The following IGF2BP2 variants were observed in gnomAD, a reference collection of about 807,000 sequenced individuals.
The protein encoded by IGF2BP2 is insulin like growth factor 2 mRNA binding protein 2, also known as insulin-like growth factor 2 mRNA-binding protein 2.
A neutral mutation model predicts 75.8 loss-of-function variants in IGF2BP2; 17 were observed. The observed-to-expected ratio is 0.22, with a 90% CI of 0.15 to 0.34. The LOEUF (loss-of-function observed/expected upper bound fraction) is 0.34. Among genes scored for constraint, IGF2BP2 ranks in the 10% least tolerant of loss-of-function variants. The pLI is 1.00. For missense variants in IGF2BP2, 516 were observed against 772.4 expected, an observed-to-expected ratio of 0.67 and a Z score of 3.93; for synonymous variants, 288 against 295.6, an observed-to-expected ratio of 0.97 and a Z score of 0.26.
intron 2 of IGF2BP2, among the ~76,000 whole-genome samples, chr3:185,810,779 A>C (rs1478158980): frequency 7.3e-6 from 1 of 136,388 alleles, no homozygotes; most frequent in African/African-American, 3.3e-5. Context: ...CTCAAAAAAA[A>C]AAACAACAAA....
chr3:185,762,077 A>T (rs1732442643), intron 2 of IGF2BP2, among the ~76,000 whole-genome samples: 1 of 152,082 alleles, frequency 6.6e-6, no homozygotes, highest in South Asian at 2.1e-4. Flanking sequence ...TGTGGGTGTT[A>T]GGTTTTAGCA....
chr3:185,794,993 G>GC (rs1737165030), intron 2 of IGF2BP2, among the ~76,000 whole-genome samples: 1 of 151,950 alleles, frequency 6.6e-6, no homozygotes, highest in Admixed American at 6.6e-5. Flanking sequence ...CACCTCCCGG[G>GC]TTCATGCCAT....
In IGF2BP2 at chr3:185,823,139, C is replaced by A; in HGVS notation, c.239+14G>T. On this transcript the variant is annotated intron_variant, in intron 2 of 15. Transcript: ENST00000382199. ...GGCCAATCGCAAAAAAAAAACTAAG[C>A]AAAGTATATTTACCTTAGCTTTTTA... 6.4e-7 allele frequency: 1 copy of A among 1,569,980 alleles called. No homozygotes were observed. Among genetic ancestry groups the A allele is most frequent in the Non-Finnish European group, 8.6e-7 (1 of 1,157,506 alleles).
At chr3:185,686,284 T>C (rs1721119974) in intron 7 of IGF2BP2, among the ~76,000 whole-genome samples, 1 of 151,736 alleles carries the variant, frequency 6.6e-6, no homozygotes, top group African/African-American at 2.4e-5. Context: ...TTCGGGAGGC[T>C]GAGGCAGGAG....
chr3:185,782,664 T>C (rs1735362948), intron 2 of IGF2BP2, among the ~76,000 whole-genome samples: 1 of 152,152 alleles, frequency 6.6e-6, no homozygotes, highest in Non-Finnish European at 1.5e-5. Context: ...GCGCAGACTG[T>C]CAATTAACAG....
intron 2 of IGF2BP2, among the ~76,000 whole-genome samples, chr3:185,797,047 G>A (rs1737514810): frequency 6.6e-6 from 1 of 151,994 alleles, no homozygotes; most frequent in African/African-American, 2.4e-5. Flanking sequence ...GCCCCACCCT[G>A]TTTCTCCCCA....
chr3:185,799,142 G>A (rs1225598475), intron 2 of IGF2BP2, among the ~76,000 whole-genome samples: 2 of 151,836 alleles, frequency 1.3e-5, no homozygotes, highest in Non-Finnish European at 2.9e-5. Flanking sequence ...GCTCACGCCT[G>A]TAATCTCAAC....
At chr3:185,663,208 T>C (rs187754464) in intron 10 of IGF2BP2, among the ~76,000 whole-genome samples, 8 of 152,356 alleles carry the variant, frequency 5.3e-5, no homozygotes, top group Admixed American at 4.6e-4. Context: ...ACTGTCCCAG[T>C]TGGAGAGTCC....
intron 2 of IGF2BP2, among the ~76,000 whole-genome samples, chr3:185,699,660 T>C (rs1289407041): frequency 6.6e-6 from 1 of 152,234 alleles, no homozygotes; most frequent in Non-Finnish European, 1.5e-5. Flanking sequence ...TATCTGCATA[T>C]TCTACACATT....
At chr3:185,722,379 A>G in intron 2 of IGF2BP2, 1 of 404,554 alleles carries the variant, frequency 2.5e-6, no homozygotes, top group Non-Finnish European at 4.9e-6. Context: ...AGAAACTGCA[A>G]CAAGAACTGA....
chr3:185,757,744 A>G (rs1217640945), intron 2 of IGF2BP2, among the ~76,000 whole-genome samples: 4 of 152,186 alleles, frequency 2.6e-5, no homozygotes, highest in Non-Finnish European at 4.4e-5. Context: ...TTACAGATAT[A>G]AGCCACTGTA....
chr3:185,742,292 G>A (rs1424064392), intron 2 of IGF2BP2, among the ~76,000 whole-genome samples: 1 of 151,810 alleles, frequency 6.6e-6, no homozygotes, highest in African/African-American at 2.4e-5. Flanking sequence ...TCAGGGGTTC[G>A]AGACCAGCCA....
At chr3:185,680,730 G>C (rs982187137) in intron 7 of IGF2BP2, among the ~76,000 whole-genome samples, 1 of 152,130 alleles carries the variant, frequency 6.6e-6, no homozygotes, top group African/African-American at 2.4e-5. Context: ...GATTGCTTGA[G>C]GCCAGGGGTT....
At chr3:185,648,878 G>A (rs958325846) in intron 14 of IGF2BP2, among the ~76,000 whole-genome samples, 1 of 152,196 alleles carries the variant, frequency 6.6e-6, no homozygotes. Context: ...CCAGAAGATA[G>A]AGCCTGTGGA....
rs531391208 is a variant in IGF2BP2, at chr3:185,645,691, G to A, written c.1708-68C>T. ...AAGGAACCCAGTTCTGAGGACAAAC[G>A]GCAGGGGAGGCTCTGGGGCTTGGGG... On this transcript the variant is annotated intron_variant, in intron 15 of 15. Coordinates refer to ENST00000382199, the MANE Select transcript of IGF2BP2 (RefSeq NM_006548.6). This position sits in a 1 kb window ranked among gnomAD's most constrained non-coding sequence, Gnocchi z 4.9. 81 of 1,145,142 alleles carry A rather than the reference G, an allele frequency of 7.1e-5. No individual in the cohort carries two copies. In the African/African-American group the frequency reaches 1.0e-3, roughly 15 times the overall value. The allele number at this position is 1,145,142 out of a possible 1,614,324, so 70.9% of individuals were successfully genotyped here. A position where few individuals can be genotyped will look rare whatever the true frequency, so the allele number is the denominator to read the frequency against.
Position 185,735,572 on chromosome 3 carries a change from G to T in IGF2BP2, c.240-37225C>A, listed in dbSNP as rs1038404188. On this transcript the variant is annotated intron_variant, in intron 2 of 15. Coordinates refer to ENST00000382199, the MANE Select transcript of IGF2BP2 (RefSeq NM_006548.6). ...ATGACAGTGTTTGGCATTATCGATG[G>T]TCAGTCTCATGCCAAGTCCTTGGTC... 2.6e-5 allele frequency among the ~76,000 whole-genome samples: 4 copies of T among 152,138 alleles called. No individual in the cohort carries two copies. The South Asian group carries it at 8.3e-4, about 32-fold the overall frequency.
At chr3:185,688,209 C>T (rs2149312411) in intron 6 of IGF2BP2, among the ~76,000 whole-genome samples, 1 of 152,302 alleles carries the variant, frequency 6.6e-6, no homozygotes, top group South Asian at 2.1e-4. Flanking sequence ...AGTGTACCAG[C>T]CCATGTAAAT....
At chr3:185,712,522 G>A (rs369898897) in intron 2 of IGF2BP2, 5 of 152,206 alleles carry the variant, frequency 3.3e-5, no homozygotes, top group African/African-American at 4.8e-5. Context: ...CTGGAGATAC[G>A]AATTTGAATC....
chr3:185,693,756 G>T (rs1405460692), intron 4 of IGF2BP2, among the ~76,000 whole-genome samples: 1 of 152,144 alleles, frequency 6.6e-6, no homozygotes, highest in East Asian at 1.9e-4. Flanking sequence ...CCCTTTAAAA[G>T]ATTTAAGCTG....
Sources: gnomAD v4.1 joint callset for allele counts (sites outside exome capture counted in the v4.1 genomes callset) on GRCh38, gnomAD v4.1.1 for gene constraint, Gnocchi (gnomAD v3.1) non-coding constraint, MANE v1.5 for transcripts, NCBI Gene and HGNC (gene_info 2026-07-23, HGNC 2026-07-21) for gene names.